The following CDIN1 variants were observed in gnomAD, a reference collection of about 807,000 sequenced individuals.
CDIN1 encodes CDAN1 interacting nuclease 1, also known as CDAN1-interacting nuclease 1.
CDIN1 carries 33 observed loss-of-function variants against 45.3 expected under a neutral mutation model. The observed-to-expected ratio is 0.73, with a 90% CI of 0.55 to 0.97. The LOEUF (loss-of-function observed/expected upper bound fraction) is 0.97. Ranked by LOEUF, CDIN1 falls within the 50% of genes least tolerant of loss-of-function variation. The probability of loss-of-function intolerance (pLI) is 0.00; values close to 1 mark genes in which losing one functional copy is unlikely to be tolerated. For synonymous variants in CDIN1, 118 were observed against 124.4 expected (o/e 0.95, Z 0.34); for missense variants, 303 against 339.4 (o/e 0.89, Z 0.84).
At position 36,678,862 on chromosome 15, in the gene CDIN1, G is replaced by A. The variant is rs2041747031; in HGVS notation, c.347-12823G>A. On this transcript the variant is annotated intron_variant, in intron 5 of 10. Coordinates refer to ENST00000566621, the MANE Select transcript of CDIN1 (RefSeq NM_001321759.2). ...ATGTTTCACCTGCTTGTTTGCCTCA[G>A]TTTCTTCTAGCAGTAGCTGGCTACT... 2.6e-5 allele frequency among the ~76,000 whole-genome samples: 4 copies of A among 152,208 alleles called. No homozygotes were observed. In the South Asian group the frequency reaches 8.3e-4, roughly 31 times the overall value.
intron 1 of CDIN1, among the ~76,000 whole-genome samples, chr15:36,634,395 G>T (rs956380824): frequency 6.6e-6 from 1 of 152,104 alleles, no homozygotes; most frequent in African/African-American, 2.4e-5. Context: ...CTGCACCCCA[G>T]CCTGCAGAGA....
chr15:36,793,145 C>A (rs1595605702), intron 10 of CDIN1, among the ~76,000 whole-genome samples: 1 of 152,126 alleles, frequency 6.6e-6, no homozygotes, highest in African/African-American at 2.4e-5. Context: ...CTCTGAGCTA[C>A]CCCAGGGCCT....
chr15:36,680,759 G>A (rs542128384), intron 5 of CDIN1, among the ~76,000 whole-genome samples: 6 of 152,280 alleles, frequency 3.9e-5, no homozygotes, highest in African/African-American at 1.4e-4. Flanking sequence ...TTGCTTGGTG[G>A]ATGTGGCCTT....
At chr15:36,795,690 T>TA (rs1292212399) in intron 10 of CDIN1, among the ~76,000 whole-genome samples, 7 of 151,762 alleles carry the variant, frequency 4.6e-5, no homozygotes, top group East Asian at 3.9e-4. Context: ...CTCTTGTTTT[T>TA]ATTTATTTTT....
intron 10 of CDIN1, among the ~76,000 whole-genome samples, chr15:36,718,221 A>G (rs1401187101): frequency 6.6e-6 from 1 of 152,078 alleles, no homozygotes. Flanking sequence ...TGTTTGTTCC[A>G]TCATCGGTTT....
intron 1 of CDIN1, among the ~76,000 whole-genome samples, chr15:36,583,302 G>C (rs537621537): frequency 1.3e-5 from 2 of 152,012 alleles, no homozygotes; most frequent in Non-Finnish European, 2.9e-5. Context: ...ATTTATTTTA[G>C]TAAATGCTGA....
chr15:36,796,461 C>T (rs1490540168), intron 10 of CDIN1, among the ~76,000 whole-genome samples: 1 of 152,128 alleles, frequency 6.6e-6, no homozygotes, highest in Non-Finnish European at 1.5e-5. Flanking sequence ...TTACAAAGCC[C>T]AGAACTGCAG....
At chr15:36,718,973 C>T (rs1313962920) in intron 10 of CDIN1, among the ~76,000 whole-genome samples, 3 of 151,750 alleles carry the variant, frequency 2.0e-5, no homozygotes, top group African/African-American at 7.3e-5. Flanking sequence ...CCTGTAATCC[C>T]AGCACTTTGG....
Position 36,613,492 on chromosome 15 carries a change from C to T in CDIN1, c.102-30786C>T, listed in dbSNP as rs2038745103. 7 of 1,549,530 alleles carry T rather than the reference C, an allele frequency of 4.5e-6. No homozygotes were observed. In the Admixed American group the frequency reaches 1.2e-4, roughly 26 times the overall value. On this transcript the variant is annotated intron_variant, in intron 1 of 10. Transcript: ENST00000566621. Reference sequence around the variant, plus strand: ...GCACCATGGCTGGGATCACCACCATCAAGGCGGTGAAGCGCAAGATCCAGG... The same window carrying T: ...GCACCATGGCTGGGATCACCACCATTAAGGCGGTGAAGCGCAAGATCCAGG...
intron 5 of CDIN1, among the ~76,000 whole-genome samples, chr15:36,678,027 A>G (rs1181057295): frequency 1.3e-5 from 2 of 152,222 alleles, no homozygotes; most frequent in African/African-American, 4.8e-5. Flanking sequence ...TAATACTTTT[A>G]TATTTGATAG....
chr15:36,788,106 A>ATATATATATATTTTTT (rs1343541345), intron 10 of CDIN1, among the ~76,000 whole-genome samples: 1 of 50,552 alleles, frequency 2.0e-5, no homozygotes, highest in African/African-American at 7.7e-5. Flanking sequence ...ATATATATAT[A>ATATATATATATTTTTT]TTTTTTTTTT....
At chr15:36,801,815 C>A (rs76746168) in intron 10 of CDIN1, among the ~76,000 whole-genome samples, 2,141 of 152,272 alleles carry the variant, frequency 0.014, 61 homozygotes, top group African/African-American at 0.049. Flanking sequence ...ATTTTCATTT[C>A]TTTTGCCAGA....
At chr15:36,599,585 A>G (rs2038001624) in intron 1 of CDIN1, among the ~76,000 whole-genome samples, 1 of 152,332 alleles carries the variant, frequency 6.6e-6, no homozygotes, top group South Asian at 2.1e-4. Context: ...TTTATACAAC[A>G]TATGTTGAGC....
At chr15:36,693,053 T>C (rs537717449) in intron 7 of CDIN1, among the ~76,000 whole-genome samples, 31 of 152,300 alleles carry the variant, frequency 2.0e-4, no homozygotes, top group Middle Eastern at 3.4e-3. Context: ...GGCACTGTGA[T>C]GAATTGTGAC....
At chr15:36,660,789 T>G (rs569594726) in intron 5 of CDIN1, among the ~76,000 whole-genome samples, 71 of 152,330 alleles carry the variant, frequency 4.7e-4, no homozygotes, top group African/African-American at 1.6e-3. Context: ...ATACGTATTT[T>G]GAGTTGAGCT....
intron 1 of CDIN1, among the ~76,000 whole-genome samples, chr15:36,592,713 C>T (rs1355480767): frequency 6.6e-6 from 1 of 151,846 alleles, no homozygotes; most frequent in East Asian, 1.9e-4. Context: ...ATGGTACATT[C>T]ATAATGGACA....
intron 1 of CDIN1, among the ~76,000 whole-genome samples, chr15:36,609,459 T>C (rs1028199393): frequency 1.3e-5 from 2 of 152,134 alleles, no homozygotes; most frequent in Admixed American, 1.3e-4. Context: ...ATCTATCAAC[T>C]TAAAATGAAA....
At chr15:36,766,179 TATTTC>T (rs1335014925) in intron 10 of CDIN1, among the ~76,000 whole-genome samples, 1 of 152,234 alleles carries the variant, frequency 6.6e-6, no homozygotes, top group African/African-American at 2.4e-5. Flanking sequence ...TTGTCTGTCT[TATTTC>T]ATTTGGCATA....
chr15:36,754,290 C>G (rs1182654221), intron 10 of CDIN1, among the ~76,000 whole-genome samples: 1 of 151,988 alleles, frequency 6.6e-6, no homozygotes, highest in Non-Finnish European at 1.5e-5. Flanking sequence ...TTTCACTACC[C>G]CCTGTCATTT....
Sources: gnomAD v4.1 joint callset for allele counts (sites outside exome capture counted in the v4.1 genomes callset) on GRCh38, gnomAD v4.1.1 for gene constraint, MANE v1.5 for transcripts, NCBI Gene and HGNC (gene_info 2026-07-23, HGNC 2026-07-21) for gene names.